Variants in COL6A5 observed in about 807,000 individuals in gnomAD.
The protein encoded by COL6A5 is collagen type VI alpha 5 chain, also known as collagen alpha-5(VI) chain.
Under a neutral mutation model 65.6 loss-of-function variants are expected in COL6A5, and 48 were observed. The ratio of observed to expected loss-of-function variants is 0.73; its 90% confidence interval spans 0.58 to 0.93. The LOEUF is 0.93. Ranked by LOEUF, COL6A5 falls within the 40% of genes least tolerant of loss-of-function variation. The pLI is 0.00. For synonymous variants in COL6A5, 291 were observed against 322.8 expected, an observed-to-expected ratio of 0.90 and a Z score of 1.05; for missense variants, 914 against 928.3, an observed-to-expected ratio of 0.98 and a Z score of 0.20.
intron 22 of COL6A5, 86 bp downstream of exon 22, chr3:130,414,217 ATAAC>A (rs1937271203): frequency 1.9e-6 from 2 of 1,075,680 alleles, no homozygotes; most frequent in Admixed American, 4.3e-5. Flanking sequence ...ATAAAAATAA[ATAAC>A]TGAGAATCTG....
chr3:130,419,291 G>A (rs1937456542), intron 25 of COL6A5, among the ~76,000 whole-genome samples: 1 of 152,148 alleles, frequency 6.6e-6, no homozygotes, highest in Admixed American at 6.6e-5. Context: ...ATAAGAGATA[G>A]AGGAATAAGG....
exon 8 of COL6A5, chr3:130,484,762 G>T: frequency 2.5e-6 from 1 of 398,914 alleles, no homozygotes; most frequent in East Asian, 3.6e-5. Context: ...GAAAAGCACA[G>T]ATACTCTATA....
chr3:130,471,277 A>T (rs1271577338), intron 7 of COL6A5, among the ~76,000 whole-genome samples: 2 of 152,092 alleles, frequency 1.3e-5, no homozygotes, highest in African/African-American at 4.8e-5. Flanking sequence ...TACTGCCAAA[A>T]CAGAAAACTT....
chr3:130,389,231 G>C, intron 6 of COL6A5, 97 bp downstream of exon 6: 1 of 728,764 alleles, frequency 1.4e-6, no homozygotes, highest in Non-Finnish European at 2.0e-6. Flanking sequence ...CCTCCACCTG[G>C]ACTTCAGTGT....
chr3:130,443,638 C>G, intron 4 of COL6A5, 72 bp downstream of exon 36: 2 of 872,646 alleles, frequency 2.3e-6, no homozygotes, highest in Non-Finnish European at 3.8e-6. Flanking sequence ...GTTAATAACA[C>G]TTTATTAGGC....
intron 7 of COL6A5, among the ~76,000 whole-genome samples, chr3:130,476,162 G>A (rs1710091770): frequency 6.6e-6 from 1 of 152,074 alleles, no homozygotes; most frequent in South Asian, 2.1e-4. Context: ...AGCCTATAAG[G>A]TTCTTGATGA....
intron 5 of COL6A5, 34 bp downstream of exon 37, chr3:130,455,700 A>G (rs372419359): frequency 1.3e-6 from 2 of 1,509,746 alleles, no homozygotes; most frequent in Non-Finnish European, 1.8e-6. Context: ...GGAAATGTTT[A>G]AATAGCCAGG....
intron 24 of COL6A5, among the ~76,000 whole-genome samples, chr3:130,418,035 T>C (rs1415844905): frequency 6.6e-6 from 1 of 152,026 alleles, no homozygotes; most frequent in Non-Finnish European, 1.5e-5. Context: ...AGATCTTAAA[T>C]GCTGTCAACA....
At chr3:130,376,543 C>A in exon 3 of COL6A5, 1 of 1,605,840 alleles carries the variant, frequency 6.2e-7, no homozygotes, top group Non-Finnish European at 8.5e-7. Context: ...TTCTCTGCAC[C>A]CATAAATGGG....
chr3:130,379,226 AG>A (rs142514767), intron 3 of COL6A5, among the ~76,000 whole-genome samples, 191 bp from the exon 4 acceptor site: 8,303 of 152,162 alleles, frequency 0.055, 341 homozygotes, highest in Non-Finnish European at 0.08. Context: ...GCATATGGAA[AG>A]CTTTTGAAGT....
At chr3:130,364,390 C>A (rs779898662) in intron 1 of COL6A5, among the ~76,000 whole-genome samples, 67 of 152,110 alleles carry the variant, frequency 4.4e-4, no homozygotes, top group Non-Finnish European at 8.2e-4. Context: ...ATTAGGACAA[C>A]CCCAAAGTAG....
At chr3:130,467,725 C>G (rs1374963876) in intron 5 of COL6A5, among the ~76,000 whole-genome samples, 1 of 151,946 alleles carries the variant, frequency 6.6e-6, no homozygotes, top group Non-Finnish European at 1.5e-5. Context: ...CATTTTATTT[C>G]TATATTAGGC....
chr3:130,481,577 G>A (rs1216756815), intron 7 of COL6A5, among the ~76,000 whole-genome samples: 2 of 152,036 alleles, frequency 1.3e-5, no homozygotes, highest in East Asian at 3.9e-4. Context: ...GGGATGGCTG[G>A]GTCAAATGGT....
chr3:130,479,866 T>A (rs1710193119), intron 7 of COL6A5, among the ~76,000 whole-genome samples: 1 of 152,248 alleles, frequency 6.6e-6, no homozygotes, highest in Middle Eastern at 3.4e-3. Flanking sequence ...GTAACAGGTA[T>A]AATTAATAGC....
exon 1 of COL6A5, chr3:130,431,870 C>A (rs917568467): frequency 6.4e-6 from 10 of 1,551,498 alleles, no homozygotes; most frequent in African/African-American, 4.1e-5. Context: ...ATCATCACGG[C>A]CACCATGGAG....
exon 8 of COL6A5, chr3:130,395,168 G>A (rs1936549963): frequency 6.4e-7 from 1 of 1,551,546 alleles, no homozygotes; most frequent in Admixed American, 2.0e-5. Context: ...CCTTAAAAAA[G>A]TGAGCAATAT....
At chr3:130,473,160 C>T (rs1400542679) in intron 7 of COL6A5, among the ~76,000 whole-genome samples, 1 of 151,918 alleles carries the variant, frequency 6.6e-6, no homozygotes, top group Non-Finnish European at 1.5e-5. Flanking sequence ...AGGCCCATGT[C>T]ACTTATCTTT....
intron 23 of COL6A5, 39 bp downstream of exon 23, chr3:130,415,746 C>T: frequency 6.2e-6 from 9 of 1,453,640 alleles, no homozygotes; most frequent in Non-Finnish European, 8.3e-6. Flanking sequence ...TGACTCTCAA[C>T]AGTTATTTTC....
At chr3:130,346,940 A>T (rs553170595) in intron 1 of COL6A5, among the ~76,000 whole-genome samples, 8 of 152,326 alleles carry the variant, frequency 5.3e-5, no homozygotes, top group Admixed American at 5.2e-4. Context: ...TACCAATAGA[A>T]TAAGTAGGAA....
Sources: gnomAD v4.1 joint callset for allele counts (sites outside exome capture counted in the v4.1 genomes callset) on GRCh38, gnomAD v4.1.1 for gene constraint, MANE v1.5 for transcripts, NCBI Gene and HGNC (gene_info 2026-07-23, HGNC 2026-07-21) for gene names.